The following RAPGEF5 variants were observed in gnomAD, a reference collection of about 807,000 sequenced individuals.
RAPGEF5 encodes M-Ras-regulated GEF.
In RAPGEF5, 65 loss-of-function variants were observed where a neutral mutation model predicts 125.2. The ratio of observed to expected loss-of-function variants is 0.52; its 90% confidence interval spans 0.43 to 0.64. The LOEUF is 0.64. Among genes scored for constraint, RAPGEF5 ranks in the 30% least tolerant of loss-of-function variants. The pLI is 0.00. For missense variants in RAPGEF5, 958 were observed against 1,048.1 expected, an observed-to-expected ratio of 0.91 and a Z score of 1.19; for synonymous variants, 391 against 385.9, an observed-to-expected ratio of 1.01 and a Z score of -0.16.
At chr7:22,214,171 A>G (rs1046242306) in intron 9 of RAPGEF5, among the ~76,000 whole-genome samples, 1 of 152,218 alleles carries the variant, frequency 6.6e-6, no homozygotes, top group South Asian at 2.1e-4. Context: ...TGAGTGATAG[A>G]GACCCTACCC....
chr7:22,270,661 G>A (rs1172784569), intron 6 of RAPGEF5, among the ~76,000 whole-genome samples: 1 of 152,132 alleles, frequency 6.6e-6, no homozygotes, highest in African/African-American at 2.4e-5. Context: ...TATTAGCTTG[G>A]CTTTTCCTGT....
At position 22,200,758 on chromosome 7, in the gene RAPGEF5, A is replaced by T. The variant is rs546131326; in HGVS notation, c.997-6725T>A. Among the ~76,000 whole-genome samples the T allele has an allele frequency of 7.8e-4, 119 of 152,346 alleles. 3 individuals are homozygous for T. In the South Asian group the frequency reaches 0.024, roughly 31 times the overall value. On this transcript the variant is annotated intron_variant, in intron 9 of 25. Coordinates refer to ENST00000665637, the MANE Select transcript of RAPGEF5 (RefSeq NM_012294.5). ...TCTCATTGCCTCTAAGAATATCATCATACAAAACAACTTGTCTAATAACCC... is the reference window on the plus strand; with the variant it reads ...TCTCATTGCCTCTAAGAATATCATCTTACAAAACAACTTGTCTAATAACCC...
At chr7:22,244,341 C>A (rs369425048) in intron 7 of RAPGEF5, among the ~76,000 whole-genome samples, 1 of 152,160 alleles carries the variant, frequency 6.6e-6, no homozygotes, top group Non-Finnish European at 1.5e-5. Flanking sequence ...TGGTGCTGAT[C>A]CATGGCCTGT....
chr7:22,327,156 T>A (rs1783830021), intron 1 of RAPGEF5, among the ~76,000 whole-genome samples: 1 of 152,228 alleles, frequency 6.6e-6, no homozygotes, highest in Non-Finnish European at 1.5e-5. Flanking sequence ...AAAGTACTAG[T>A]AAATCCATAA....
chr7:22,167,256 T>C (rs1202013284), intron 11 of RAPGEF5, 108 bp from the exon 12 acceptor site: 2 of 787,160 alleles, frequency 2.5e-6, no homozygotes, highest in East Asian at 2.7e-5. Flanking sequence ...ATGATAAATA[T>C]TGATAGCTGT....
chr7:22,176,175 C>T (rs916287519), intron 11 of RAPGEF5, among the ~76,000 whole-genome samples: 2 of 152,152 alleles, frequency 1.3e-5, no homozygotes, highest in African/African-American at 4.8e-5. Context: ...CTTTATAAAA[C>T]CATCAGATCT....
At chr7:22,261,634 TA>T (rs1782157996) in intron 7 of RAPGEF5, among the ~76,000 whole-genome samples, 1 of 151,944 alleles carries the variant, frequency 6.6e-6, no homozygotes, top group South Asian at 2.1e-4. Context: ...TCAAAAATAA[TA>T]ACGATAATAT....
intron 7 of RAPGEF5, among the ~76,000 whole-genome samples, chr7:22,243,869 A>C (rs1786403270): frequency 6.6e-6 from 1 of 152,180 alleles, no homozygotes; most frequent in African/African-American, 2.4e-5. Context: ...ATCGATATGG[A>C]AAAGTTAGTC....
intron 9 of RAPGEF5, among the ~76,000 whole-genome samples, chr7:22,208,523 C>T (rs1204939216): frequency 1.3e-5 from 2 of 152,186 alleles, no homozygotes; most frequent in African/African-American, 2.4e-5. Flanking sequence ...ATAAGGGATG[C>T]TGGCCTCTGT....
At chr7:22,184,835 C>T (rs1784781406) in intron 11 of RAPGEF5, among the ~76,000 whole-genome samples, 1 of 152,172 alleles carries the variant, frequency 6.6e-6, no homozygotes. Flanking sequence ...AAGATGAGCA[C>T]CTCAAATGAA....
At chr7:22,323,105 A>G (rs1416282631) in intron 1 of RAPGEF5, among the ~76,000 whole-genome samples, 3 of 152,190 alleles carry the variant, frequency 2.0e-5, no homozygotes, top group African/African-American at 7.2e-5. Context: ...CTCATGTTGT[A>G]TGTGTTTTCC....
intron 1 of RAPGEF5, among the ~76,000 whole-genome samples, chr7:22,341,843 C>T (rs2128387018): frequency 6.6e-6 from 1 of 152,356 alleles, no homozygotes; most frequent in Non-Finnish European, 1.5e-5. Flanking sequence ...CTCCAGGCTG[C>T]TTTCACAGGC....
At chr7:22,267,258 T>C (rs1782305793) in intron 6 of RAPGEF5, among the ~76,000 whole-genome samples, 1 of 152,122 alleles carries the variant, frequency 6.6e-6, no homozygotes. Flanking sequence ...ATGTATACAT[T>C]GTAAAACACT....
Position 22,120,773 on chromosome 7 carries a change from T to G in RAPGEF5, c.*1633A>C, listed in dbSNP as rs1378286994. 4 of 152,324 alleles carry G rather than the reference T, an allele frequency of 2.6e-5. No individual in the cohort carries two copies. Among genetic ancestry groups the G allele is most frequent in the Admixed American group, 6.5e-5 (1 of 15,284 alleles). The allele number at this position is 152,324 out of a possible 1,614,324, so 9.4% of individuals were successfully genotyped here. A position where few individuals can be genotyped will look rare whatever the true frequency, so the allele number is the denominator to read the frequency against. ...CATGCTGGGCCAAACTAAGTCTCTC[T>G]CAAAGTTCTCCCAAACCTTCTCTCC... On this transcript the variant is annotated 3_prime_UTR_variant, in exon 26 of 26. Transcript: ENST00000665637. The surrounding 1 kb of genome is among the most constrained non-coding windows in gnomAD (Gnocchi z 4.0).
chr7:22,193,383 G>T lies in RAPGEF5; in HGVS notation c.1188C>A (p.Val396=). The part of the protein sequence containing the change: ...HLLNDLHLEE[V]QDKETETLLD... ...GAGCCTTACCTGTTTCTTTGTCCTG[G>T]ACTTCTTCCAGGTGCAAGTCATTCA... The change falls in exon 11 of 26, where the codon GTC becomes GTA. Residue 396 remains valine, a synonymous_variant. Transcript: ENST00000665637. 1 of 1,590,522 alleles carries T rather than the reference G, an allele frequency of 6.3e-7. No homozygotes were observed. Among genetic ancestry groups the T allele is most frequent in the Non-Finnish European group, 8.6e-7 (1 of 1,167,602 alleles).
chr7:22,198,617 T>C (rs968021484), intron 9 of RAPGEF5, among the ~76,000 whole-genome samples: 3 of 152,142 alleles, frequency 2.0e-5, no homozygotes, highest in Admixed American at 6.5e-5. Context: ...TAATGACAAC[T>C]CAAGAACTAA....
chr7:22,344,154 C>A (rs1562538976), intron 1 of RAPGEF5, among the ~76,000 whole-genome samples: 1 of 152,162 alleles, frequency 6.6e-6, no homozygotes, highest in African/African-American at 2.4e-5. Flanking sequence ...CTATCCTCCA[C>A]CCAAAGAGGG....
At chr7:22,150,712 A>G (rs1783599608) in intron 17 of RAPGEF5, among the ~76,000 whole-genome samples, 1 of 152,208 alleles carries the variant, frequency 6.6e-6, no homozygotes, top group South Asian at 2.1e-4. Flanking sequence ...CAGCGGTCAG[A>G]AAGTGGAGTC....
At chr7:22,305,490 T>C (rs570945789) in intron 5 of RAPGEF5, among the ~76,000 whole-genome samples, 4 of 152,154 alleles carry the variant, frequency 2.6e-5, no homozygotes, top group Non-Finnish European at 5.9e-5. Flanking sequence ...GCATGCAGTG[T>C]GAAATAAGCA....
Sources: gnomAD v4.1 joint callset for allele counts (sites outside exome capture counted in the v4.1 genomes callset) on GRCh38, gnomAD v4.1.1 for gene constraint, Gnocchi (gnomAD v3.1) non-coding constraint, MANE v1.5 for transcripts, NCBI Gene and HGNC (gene_info 2026-07-23, HGNC 2026-07-21) for gene names.